Variants in USP3 observed in about 807,000 individuals in gnomAD.
The protein encoded by USP3 is ubiquitin carboxyl-terminal hydrolase 3.
A neutral mutation model predicts 72.3 loss-of-function variants in USP3; 20 were observed. The observed-to-expected ratio is 0.28, with a 90% CI of 0.19 to 0.40. USP3 has a LOEUF of 0.40. USP3 is among the 10% of genes least tolerant of loss of function. The pLI, the probability that USP3 is intolerant of heterozygous loss-of-function variation, is 1.00. For synonymous variants in USP3, 222 were observed against 225.3 expected, an observed-to-expected ratio of 0.99 and a Z score of 0.13; for missense variants, 479 against 633.9, an observed-to-expected ratio of 0.76 and a Z score of 2.62.
At chr15:63,568,877 G>A (rs1412503284) in intron 8 of USP3, among the ~76,000 whole-genome samples, 1 of 152,146 alleles carries the variant, frequency 6.6e-6, no homozygotes, top group Non-Finnish European at 1.5e-5. Flanking sequence ...GTAGTTTAAA[G>A]AAGATGTGTT....
rs1478836732 is a variant in USP3 at position 63,574,161 on chromosome 15, T to C, written c.1015+9T>C. 2.6e-6 allele frequency: 4 copies of C among 1,550,054 alleles called. No homozygotes were observed. Among genetic ancestry groups the C allele is most frequent in the Non-Finnish European group, 3.5e-6 (4 of 1,143,962 alleles). On this transcript the variant is annotated intron_variant, in intron 10 of 14. Transcript: ENST00000380324. This position sits in a 1 kb window ranked among gnomAD's most constrained non-coding sequence, Gnocchi z 4.6. ...GTTTGATCCATTCCTAGGTAAGATATATGTGGCATGTGGATATATAATATT... is the reference window on the plus strand; with the variant it reads ...GTTTGATCCATTCCTAGGTAAGATACATGTGGCATGTGGATATATAATATT...
intron 1 of USP3, among the ~76,000 whole-genome samples, chr15:63,505,593 A>G (rs974973396): frequency 6.6e-6 from 1 of 152,146 alleles, no homozygotes; most frequent in Non-Finnish European, 1.5e-5. Context: ...GTTGTGAAAC[A>G]CTTATTAGAT....
intron 3 of USP3, among the ~76,000 whole-genome samples, chr15:63,547,715 G>A (rs2066350799): frequency 8.4e-6 from 1 of 119,022 alleles, no homozygotes; most frequent in African/African-American, 3.1e-5. Flanking sequence ...GCAAGACCCT[G>A]TCTCAATAGA....
At chr15:63,521,087 G>C (rs1452968535) in intron 1 of USP3, among the ~76,000 whole-genome samples, 1 of 150,350 alleles carries the variant, frequency 6.7e-6, no homozygotes, top group Admixed American at 6.6e-5. Context: ...AAAAGCAGGT[G>C]GGTATTTTCT....
chr15:63,581,802 C>G (rs2066968792), intron 11 of USP3, among the ~76,000 whole-genome samples: 1 of 151,908 alleles, frequency 6.6e-6, no homozygotes, highest in African/African-American at 2.4e-5. Context: ...TGAGGTGATC[C>G]TCCCACCTCA....
In USP3 at chr15:63,593,542, G is replaced by GCCA. The variant is rs2067241478; in HGVS notation, c.*2716_*2717insCCA. On this transcript the variant is annotated 3_prime_UTR_variant, in exon 15 of 15. Coordinates refer to ENST00000380324, the MANE Select transcript of USP3 (RefSeq NM_006537.4). ...ACTTTGTCGGGCAGAGTGGTCTTCA[G>GCCA]ACAGGTGATGCTGTTGGCTTAAGAG... is the stretch of plus-strand genomic sequence containing the variant. The GCCA allele has an allele frequency of 6.6e-6, 1 of 152,260 alleles. No homozygotes were observed. The highest frequency in any genetic ancestry group is 2.4e-5 in the African/African-American group (1 of 41,472). 9.4% of individuals were successfully genotyped at this position (152,260 alleles called of 1,614,324 possible).
In USP3 at chr15:63,574,440, T is replaced by G. The variant is rs1418269406; in HGVS notation, c.1096+37T>G. ...TGAATGTTCTAAAAATTTTTTTCTT[T>G]AAATAATTGAATAGATTGATAAGCT... On this transcript the variant is annotated intron_variant, in intron 11 of 14. Transcript: ENST00000380324. The surrounding 1 kb of genome is among the most constrained non-coding windows in gnomAD (Gnocchi z 4.6). The G allele has an allele frequency of 2.0e-5, 30 of 1,486,674 alleles. No homozygotes were observed. The highest frequency in any genetic ancestry group is 2.8e-5 in the Non-Finnish European group (30 of 1,089,250). The allele number at this position is 1,486,674 out of a possible 1,614,324, so 92.1% of individuals were successfully genotyped here. A position where few individuals can be genotyped will look rare whatever the true frequency, so the allele number is the denominator to read the frequency against.
chr15:63,588,582 C>A lies in USP3; in HGVS notation c.1216-120C>A. On this transcript the variant is annotated intron_variant, in intron 12 of 14. Coordinates refer to ENST00000380324, the MANE Select transcript of USP3 (RefSeq NM_006537.4). The surrounding 1 kb of genome is among the most constrained non-coding windows in gnomAD (Gnocchi z 4.6). ...TTACAGAATGAATGCATAAGGTATG[C>A]ATGGAAGAATGATTGATAGGGCAGC... The A allele has an allele frequency of 1.1e-6, 1 of 936,774 alleles. No homozygotes were observed. The highest frequency in any genetic ancestry group is 1.7e-6 in the Non-Finnish European group (1 of 598,730). 58.0% of individuals were successfully genotyped at this position (936,774 alleles called of 1,614,324 possible). A position where few individuals can be genotyped will look rare whatever the true frequency, so the allele number is the denominator to read the frequency against.
intron 7 of USP3, 57 bp downstream of exon 7, chr15:63,560,027 CTGGTGGTTTCCAT>C (rs1280605511): frequency 6.8e-7 from 1 of 1,475,400 alleles, no homozygotes; most frequent in African/African-American, 1.4e-5. Flanking sequence ...ATTACTTTCA[CTGGTGGTTTCCAT>C]TGTACTAAGT....
chr15:63,577,483 G>A (rs867140183), intron 11 of USP3, among the ~76,000 whole-genome samples: 9 of 152,158 alleles, frequency 5.9e-5, no homozygotes, highest in Non-Finnish European at 7.3e-5. Context: ...AAGGCCGGGC[G>A]TGGTGGCTCA....
chr15:63,506,494 T>G (rs74022988), intron 1 of USP3, among the ~76,000 whole-genome samples: 1,578 of 152,302 alleles, frequency 0.01, 24 homozygotes, highest in African/African-American at 0.037. Context: ...ACTTCTGGCA[T>G]TTTTTAGGTA....
At chr15:63,511,734 T>G (rs2065785577) in intron 1 of USP3, among the ~76,000 whole-genome samples, 2 of 152,150 alleles carry the variant, frequency 1.3e-5, no homozygotes, top group African/African-American at 4.8e-5. Flanking sequence ...TAGAGAAGAT[T>G]CTTCTTGGAG....
At chr15:63,535,681 T>G (rs1567101016) in intron 2 of USP3, among the ~76,000 whole-genome samples, 2 of 152,196 alleles carry the variant, frequency 1.3e-5, no homozygotes, top group Non-Finnish European at 2.9e-5. Flanking sequence ...AGAAAGAACG[T>G]GATCACATTC....
At chr15:63,516,448 G>C (rs1337945968) in intron 1 of USP3, among the ~76,000 whole-genome samples, 2 of 152,092 alleles carry the variant, frequency 1.3e-5, no homozygotes, top group Admixed American at 1.3e-4. Context: ...AGTACATCAA[G>C]CTCCTTTCTC....
chr15:63,585,495 T>G (rs964591254), intron 11 of USP3, among the ~76,000 whole-genome samples: 1 of 152,204 alleles, frequency 6.6e-6, no homozygotes, highest in African/African-American at 2.4e-5. Context: ...TAATTTCGTT[T>G]TTGGAAATAC....
intron 1 of USP3, among the ~76,000 whole-genome samples, chr15:63,523,929 G>A (rs193127618): frequency 1.3e-5 from 2 of 152,256 alleles, no homozygotes; most frequent in East Asian, 1.9e-4. Context: ...GGAAGGATAA[G>A]GATTTGTGCC....
intron 1 of USP3, among the ~76,000 whole-genome samples, chr15:63,511,266 T>TAAAAAAAAAAAAAAAAAA (rs61283920): frequency 0.019 from 809 of 42,796 alleles, 115 homozygotes; most frequent in Non-Finnish European, 0.026. Context: ...TGCTTTTTCT[T>TAAAAAAAAAAAAAAAAAA]AAAAAAAAAA....
intron 3 of USP3, among the ~76,000 whole-genome samples, chr15:63,538,586 G>A (rs1351087164): frequency 3.4e-5 from 5 of 146,226 alleles, no homozygotes; most frequent in African/African-American, 1.0e-4. Context: ...TTGCTCTGTC[G>A]CCCAGGCTGG....
intron 11 of USP3, among the ~76,000 whole-genome samples, chr15:63,584,092 GTTTTTTTTTT>G (rs61574200): frequency 1.5e-4 from 13 of 85,598 alleles, no homozygotes; most frequent in East Asian, 3.2e-4. Context: ...CAACGGTTTT[GTTTTTTTTTT>G]TTTTTTTTTT....
Sources: gnomAD v4.1 joint callset for allele counts (sites outside exome capture counted in the v4.1 genomes callset) on GRCh38, gnomAD v4.1.1 for gene constraint, Gnocchi (gnomAD v3.1) non-coding constraint, MANE v1.5 for transcripts, NCBI Gene and HGNC (gene_info 2026-07-23, HGNC 2026-07-21) for gene names.